Variants in TAF4 observed in about 807,000 individuals in gnomAD.
TAF4 encodes the protein transcription initiation factor TFIID subunit 4.
A neutral mutation model predicts 90.3 loss-of-function variants in TAF4; 9 were observed. The ratio of observed to expected loss-of-function variants is 0.10; its 90% CI spans 0.06 to 0.17. TAF4 has a LOEUF of 0.17. Ranked by LOEUF, TAF4 falls within the 10% of genes least tolerant of loss-of-function variation. The pLI, the probability that TAF4 is intolerant of heterozygous loss-of-function variation, is 1.00. For missense variants in TAF4, 1,351 were observed against 1,370.7 expected (o/e 0.99, Z 0.23); for synonymous variants, 818 against 638.9 (o/e 1.28, Z -4.23).
intron 1 of TAF4, among the ~76,000 whole-genome samples, chr20:62,061,542 A>G (rs1307952562): frequency 1.3e-5 from 2 of 152,240 alleles, no homozygotes; most frequent in Non-Finnish European, 2.9e-5. Flanking sequence ...AGGCCAAAAG[A>G]TAACCTTTAG....
intron 1 of TAF4, among the ~76,000 whole-genome samples, chr20:62,054,938 A>G (rs2056052020): frequency 6.6e-6 from 1 of 151,852 alleles, no homozygotes. Flanking sequence ...ATTCCACAAG[A>G]GCCTTTGTCT....
intron 14 of TAF4, among the ~76,000 whole-genome samples, chr20:61,993,247 A>G (rs2055643299): frequency 6.6e-6 from 1 of 152,212 alleles, no homozygotes; most frequent in Non-Finnish European, 1.5e-5. Flanking sequence ...CGGGGCGCAC[A>G]GCCCAGACCC....
Position 62,000,595 on chromosome 20 carries a change from G to A in TAF4, c.2613C>T (p.Thr871=). The change falls in exon 10 of 15, where the codon ACC becomes ACT. Residue 871 remains threonine, a synonymous_variant. Transcript: ENST00000252996. ...TCTGCAAAGGCGCTTGGAGGAGGAA[G>A]GTTTCATCTTTACAGGACCGCGTTA... ...GTLTRSCKDE[T]FLLQAPLQRR... is the part of the protein sequence containing the mutation. 6.2e-7 allele frequency: 1 copy of A among 1,614,220 alleles called. No homozygotes were observed. Among genetic ancestry groups the A allele is most frequent in the Non-Finnish European group, 8.5e-7 (1 of 1,180,008 alleles).
intron 10 of TAF4, 35 bp downstream of exon 10, chr20:62,000,517 T>C (rs1183727707): frequency 1.3e-6 from 2 of 1,599,488 alleles, no homozygotes; most frequent in African/African-American, 2.7e-5. Flanking sequence ...AGCGCAGCTG[T>C]TTAATAAGAA....
chr20:62,000,478 GTGCTCACCTGAAGCTCCCATGC>G, intron 10 of TAF4, 52 bp downstream of exon 10: 1 of 1,517,250 alleles, frequency 6.6e-7, no homozygotes, highest in Non-Finnish European at 9.0e-7. Flanking sequence ...GGTGTCAGGT[GTGCTCACCTGAAGCTCCCATGC>G]CCCAGCAGCG....
intron 14 of TAF4, among the ~76,000 whole-genome samples, chr20:61,983,976 T>C (rs1370547002): frequency 6.6e-6 from 1 of 152,256 alleles, no homozygotes; most frequent in East Asian, 1.9e-4. Context: ...AATGAAGATA[T>C]GACACGTGGA....
chr20:62,029,504 A>ACACT (rs1473102350), intron 1 of TAF4, among the ~76,000 whole-genome samples: 2 of 151,854 alleles, frequency 1.3e-5, no homozygotes, highest in East Asian at 3.9e-4. Flanking sequence ...ACACACACAC[A>ACACT]CACTCATACA....
At chr20:62,030,413 A>T (rs1037373035) in intron 1 of TAF4, among the ~76,000 whole-genome samples, 1 of 152,202 alleles carries the variant, frequency 6.6e-6, no homozygotes, top group African/African-American at 2.4e-5. Context: ...ACAGACACAT[A>T]ATTTAAAACA....
intron 14 of TAF4, among the ~76,000 whole-genome samples, chr20:61,983,792 C>T (rs2055565065): frequency 6.6e-6 from 1 of 152,126 alleles, no homozygotes; most frequent in Admixed American, 6.5e-5. Context: ...CAATTCAGCT[C>T]ATAAACTGAG....
chr20:62,017,150 A>C (rs1341611903), intron 1 of TAF4, among the ~76,000 whole-genome samples: 1 of 147,454 alleles, frequency 6.8e-6, no homozygotes, highest in African/African-American at 2.5e-5. Flanking sequence ...CCTAAAAACA[A>C]AAAAAAAAAA....
Position 62,003,848 on chromosome 20 carries a change from G to T in TAF4, c.2254C>A (p.Leu752Met). ...AACGTCACCTGCGGGGGCCGGATCA[G>T]GGCTCCTGGCTTCGGAGGCTGCTGG... ...VIQQPPKPGA[L>M]IRPPQVTLTQ... Residue 752 changes from leucine (L) to methionine (M), a missense_variant, in exon 8 of 15, where the codon CTG becomes ATG. This residue lies in a region of TAF4 where 202 missense variants were observed against 229.7 expected (regional missense o/e 0.88). Transcript: ENST00000252996. 1 of 1,588,756 alleles carries T rather than the reference G, an allele frequency of 6.3e-7. No individual in the cohort carries two copies.
At chr20:62,009,426 T>G (rs1787413267) in intron 4 of TAF4, among the ~76,000 whole-genome samples, 1 of 152,134 alleles carries the variant, frequency 6.6e-6, no homozygotes, top group Non-Finnish European at 1.5e-5. Flanking sequence ...ATGCAAATAA[T>G]TAAAAAAGTG....
At chr20:62,014,002 G>A (rs1428034283) in intron 2 of TAF4, among the ~76,000 whole-genome samples, 1 of 145,868 alleles carries the variant, frequency 6.9e-6, no homozygotes, top group East Asian at 2.1e-4. Flanking sequence ...GGCCCTGAAG[G>A]CTGACGCGGG....
intron 7 of TAF4, chr20:62,005,375 G>C (rs539218378): frequency 3.3e-5 from 5 of 152,390 alleles, no homozygotes; most frequent in African/African-American, 1.2e-4. Flanking sequence ...AGGTGATCCT[G>C]CTGCCAAACA....
rs2145525299 is a variant in TAF4 at position 62,061,683 on chromosome 20, T to C, written c.1360+2768A>G. Among the ~76,000 whole-genome samples, 2 of 152,358 alleles carry C rather than the reference T, an allele frequency of 1.3e-5. 1 individual carries two copies. Among genetic ancestry groups the C allele is most frequent in the Middle Eastern group, 6.8e-3 (2 of 294 alleles). ...CAACCTGACTATGACGTTATGACTA[T>C]CCTAAGCTGTACATAACTAGTGCTT... On this transcript the variant is annotated intron_variant, in intron 1 of 14. Coordinates refer to ENST00000252996, the MANE Select transcript of TAF4 (RefSeq NM_003185.4).
chr20:62,051,416 G>A (rs543801270), intron 1 of TAF4, among the ~76,000 whole-genome samples: 1 of 152,098 alleles, frequency 6.6e-6, no homozygotes, highest in Non-Finnish European at 1.5e-5. Context: ...ACTCCTGTCA[G>A]GCAGGGAGCC....
At chr20:62,015,520 C>T (rs2055807462) in intron 1 of TAF4, among the ~76,000 whole-genome samples, 1 of 152,182 alleles carries the variant, frequency 6.6e-6, no homozygotes, top group Admixed American at 6.5e-5. Context: ...GCACTCTTTC[C>T]CGAGTGAAGC....
chr20:61,989,304 C>G (rs2055616050), intron 14 of TAF4, among the ~76,000 whole-genome samples: 1 of 79,056 alleles, frequency 1.3e-5, no homozygotes, highest in South Asian at 3.3e-4. Context: ...CTAGAGGAAC[C>G]AGGGGAAGCT....
chr20:62,036,857 G>C (rs2055935313), intron 1 of TAF4, among the ~76,000 whole-genome samples: 1 of 152,192 alleles, frequency 6.6e-6, no homozygotes, highest in African/African-American at 2.4e-5. Context: ...CAGAAGCGGG[G>C]GGACTTTGGG....
Sources: allele counts gnomAD v4.1 joint callset (sites outside exome capture counted in the v4.1 genomes callset), GRCh38; gene constraint gnomAD v4.1.1; regional missense constraint gnomAD v4.1.1; transcripts MANE v1.5; gene names NCBI Gene and HGNC (gene_info 2026-07-23, HGNC 2026-07-21).